The following NEK5 variants were observed in gnomAD, a reference collection of about 807,000 sequenced individuals.
NEK5 encodes serine/threonine-protein kinase Nek5.
NEK5 carries 88 observed loss-of-function variants against 109.2 expected under a neutral mutation model. The observed-to-expected ratio is 0.81, with a 90% CI of 0.68 to 0.96. The LOEUF (loss-of-function observed/expected upper bound fraction) is 0.96. NEK5 is among the 40% of genes least tolerant of loss of function. NEK5 has a pLI of 0.00. For synonymous variants in NEK5, 283 were observed against 299.9 expected (o/e 0.94, Z 0.58); for missense variants, 834 against 920.7 (o/e 0.91, Z 1.22).
chr13:52,117,267 A>G (rs1011937958), intron 4 of NEK5, among the ~76,000 whole-genome samples: 1 of 152,170 alleles, frequency 6.6e-6, no homozygotes, highest in Admixed American at 6.5e-5. Flanking sequence ...GGTTCTTATG[A>G]TCAGAGATAA....
intron 1 of NEK5, 138 bp downstream of exon 1, chr13:52,128,891 A>C (rs1453983752): frequency 6.6e-6 from 1 of 152,242 alleles, no homozygotes; most frequent in Non-Finnish European, 1.5e-5. Flanking sequence ...ACACCCACAC[A>C]GCCCAGGACG....
intron 23 of NEK5, among the ~76,000 whole-genome samples, chr13:52,042,032 G>A (rs1014100458): frequency 2.0e-5 from 3 of 151,860 alleles, no homozygotes; most frequent in Admixed American, 1.3e-4. Context: ...AAAGTATCAG[G>A]GAGAAAGTTA....
At chr13:52,101,808 G>A (rs1955538344) in intron 11 of NEK5, 125 bp downstream of exon 11, 4 of 791,466 alleles carry the variant, frequency 5.1e-6, no homozygotes, top group South Asian at 3.1e-5. Context: ...TTTTTCTCCT[G>A]CTTATACTGC....
At chr13:52,045,663 G>T (rs1954451832) in intron 23 of NEK5, among the ~76,000 whole-genome samples, 2 of 149,962 alleles carry the variant, frequency 1.3e-5, no homozygotes, top group Middle Eastern at 3.5e-3. Context: ...TACTCGGGAG[G>T]CTGAGGCAGG....
chr13:52,076,403 A>G (rs988883695), intron 17 of NEK5, among the ~76,000 whole-genome samples: 3 of 152,216 alleles, frequency 2.0e-5, no homozygotes, highest in Non-Finnish European at 4.4e-5. Context: ...ATTCAATTCA[A>G]GAATGTAATT....
intron 17 of NEK5, among the ~76,000 whole-genome samples, chr13:52,079,641 G>A (rs1339469190): frequency 2.6e-5 from 4 of 152,284 alleles, no homozygotes; most frequent in Admixed American, 6.5e-5. Flanking sequence ...GCGTGATCTC[G>A]GCTGGCTACA....
intron 12 of NEK5, among the ~76,000 whole-genome samples, chr13:52,098,920 G>A (rs2137982909): frequency 6.6e-6 from 1 of 152,214 alleles, no homozygotes; most frequent in Non-Finnish European, 1.5e-5. Context: ...TCATGAACAT[G>A]TGCAGATAGG....
At chr13:52,054,727 C>T (rs1954538205) in intron 22 of NEK5, among the ~76,000 whole-genome samples, 1 of 152,238 alleles carries the variant, frequency 6.6e-6, no homozygotes, top group African/African-American at 2.4e-5. Context: ...AACAGACCTG[C>T]AGCTGAGGGT....
chr13:52,128,309 C>T (rs998661161), intron 1 of NEK5, among the ~76,000 whole-genome samples: 1 of 152,016 alleles, frequency 6.6e-6, no homozygotes, highest in African/African-American at 2.4e-5. Context: ...TCACTGGCCA[C>T]GCTGCTCCTG....
intron 19 of NEK5, among the ~76,000 whole-genome samples, chr13:52,072,576 A>G (rs1290968808): frequency 6.6e-6 from 1 of 152,212 alleles, no homozygotes; most frequent in East Asian, 1.9e-4. Flanking sequence ...CTCACTTCAC[A>G]GAAGCTCTGT....
chr13:52,072,386 A>C (rs1209401227), intron 19 of NEK5, among the ~76,000 whole-genome samples: 5 of 152,212 alleles, frequency 3.3e-5, no homozygotes, highest in Non-Finnish European at 7.3e-5. Flanking sequence ...TTTCTCATTC[A>C]TGCCCTGTTT....
intron 12 of NEK5, among the ~76,000 whole-genome samples, chr13:52,093,943 G>C (rs553907534): frequency 9.8e-5 from 15 of 152,296 alleles, no homozygotes; most frequent in African/African-American, 3.4e-4. Context: ...CACACATATG[G>C]GGATTTGCAA....
Position 52,093,078 on chromosome 13 carries a change from C to T in NEK5, c.1184G>A (p.Arg395Lys), listed in dbSNP as rs1439562173. 1 of 1,613,262 alleles carries T rather than the reference C, an allele frequency of 6.2e-7. No homozygotes were observed. The highest frequency in any genetic ancestry group is 8.5e-7 in the Non-Finnish European group (1 of 1,179,448). The stretch of plus-strand genomic sequence containing the variant: ...CCATTGACTTGGGGATGGACCATGC[C>T]TCGTTTCCTGACCGTAATCCTCAAC... The part of the protein sequence containing the change: ...TGVEDYGQET[R>K]HGPSPSQWPA... Residue 395 changes from arginine to lysine, a missense_variant, in exon 13 of 24, where the codon AGG (arginine) becomes AAG (lysine). This residue lies in a region of NEK5 where 777 missense variants were observed against 824.7 expected (regional missense o/e 0.94). Transcript: ENST00000684899.
At chr13:52,054,891 C>A (rs1318303163) in intron 22 of NEK5, among the ~76,000 whole-genome samples, 1 of 149,790 alleles carries the variant, frequency 6.7e-6, no homozygotes, top group East Asian at 1.9e-4. Flanking sequence ...AAGCAGAGCA[C>A]CTCTCCTCCT....
rs889230295 is a variant in NEK5 at position 52,034,418 on chromosome 13, G to C, written c.*2530C>G. The C allele has an allele frequency of 2.0e-5, 3 of 150,518 alleles. No individual in the cohort carries two copies. Among genetic ancestry groups the C allele is most frequent in the African/African-American group, 7.3e-5 (3 of 41,006 alleles). 9.3% of individuals were successfully genotyped at this position (150,518 alleles called of 1,614,324 possible). A position where few individuals can be genotyped will look rare whatever the true frequency, so the allele number is the denominator to read the frequency against. ...ACAGCAAAGAATTCAAAATTGTTGA[G>C]TAAAGCTTGGTGACTATTACCTAAA... On this transcript the variant is annotated 3_prime_UTR_variant, in exon 24 of 24. Coordinates refer to ENST00000684899, the MANE Select transcript of NEK5 (RefSeq NM_001365552.1).
At chr13:52,043,536 C>CAAAAAAAAAAAAAAAAAAAAA (rs559454334) in intron 23 of NEK5, among the ~76,000 whole-genome samples, 1 of 51,282 alleles carries the variant, frequency 1.9e-5, no homozygotes. Flanking sequence ...GACTCCATCT[C>CAAAAAAAAAAAAAAAAAAAAA]AAAAAAAAAA....
At chr13:52,040,597 T>C (rs1323387989) in intron 23 of NEK5, among the ~76,000 whole-genome samples, 1 of 152,202 alleles carries the variant, frequency 6.6e-6, no homozygotes, top group Non-Finnish European at 1.5e-5. Flanking sequence ...AGTATTATAG[T>C]CTTCCTAAGA....
intron 12 of NEK5, among the ~76,000 whole-genome samples, chr13:52,095,017 C>G (rs1955373714): frequency 6.6e-6 from 1 of 152,258 alleles, no homozygotes; most frequent in Non-Finnish European, 1.5e-5. Context: ...TCCTGGGATC[C>G]AGGGATCTCC....
At chr13:52,084,762 AGTGTGTGTGTGTGTGTGTGTGTGT>A (rs368429926) in intron 16 of NEK5, among the ~76,000 whole-genome samples, 30 of 47,436 alleles carry the variant, frequency 6.3e-4, no homozygotes, top group African/African-American at 1.6e-3. Context: ...AGAGAGAGAG[AGTGTGTGTGTGTGTGTGTGTGTGT>A]GTGTGTGTGT....
Sources: allele counts gnomAD v4.1 joint callset (sites outside exome capture counted in the v4.1 genomes callset), GRCh38; gene constraint gnomAD v4.1.1; regional missense constraint gnomAD v4.1.1; transcripts MANE v1.5; gene names NCBI Gene and HGNC (gene_info 2026-07-23, HGNC 2026-07-21).